The following IL7 variants were observed in gnomAD, a reference collection of about 807,000 sequenced individuals.
IL7 encodes interleukin-7.
In IL7, 3 loss-of-function variants were observed where a neutral mutation model predicts 21.6. The observed-to-expected ratio is 0.14, with a 90% confidence interval of 0.06 to 0.36. IL7 has a LOEUF of 0.36. Ranked by LOEUF, IL7 falls within the 10% of genes least tolerant of loss-of-function variation. The probability of loss-of-function intolerance (pLI) is 1.00; values close to 1 mark genes in which losing one functional copy is unlikely to be tolerated. For missense variants in IL7, 175 were observed against 200.2 expected (o/e 0.87, Z 0.76); for synonymous variants, 62 against 68.1 (o/e 0.91, Z 0.44).
At chr8:78,727,538 A>G (rs1811359134) in intron 3 of IL7, among the ~76,000 whole-genome samples, 1 of 152,056 alleles carries the variant, frequency 6.6e-6, no homozygotes, top group Admixed American at 6.6e-5. Context: ...AGAAAATTTG[A>G]AATTTGCTTG....
At chr8:78,689,514 G>GCATACAACTT in intron 3 of IL7, 2 of 746,242 alleles carry the variant, frequency 2.7e-6, no homozygotes, top group East Asian at 3.4e-5. Flanking sequence ...ATCTATAAAA[G>GCATACAACTT]TTGTATGCTT....
Position 78,739,985 on chromosome 8 carries a change from C to A in IL7, c.228+17G>T. 1 of 1,503,692 alleles carries A rather than the reference C, an allele frequency of 6.7e-7. No individual in the cohort carries two copies. Among genetic ancestry groups the A allele is most frequent in the South Asian group, 1.4e-5 (1 of 72,596 alleles). 93.1% of individuals were successfully genotyped at this position (1,503,692 alleles called of 1,614,324 possible). On this transcript the variant is annotated intron_variant, in intron 3 of 5. Coordinates refer to ENST00000263851, the MANE Select transcript of IL7 (RefSeq NM_000880.4). ...AAAATCAAGCTTGAATGACAAACTC[C>A]AAATAATTATCATTACCTTATTAGC... is the stretch of plus-strand genomic sequence containing the variant.
chr8:78,712,515 A>G (rs1810982928), intron 3 of IL7, among the ~76,000 whole-genome samples: 1 of 152,154 alleles, frequency 6.6e-6, no homozygotes, highest in African/African-American at 2.4e-5. Flanking sequence ...ATGGTGAACT[A>G]TTATAAAAAG....
chr8:78,779,603 G>C (rs1342708293), intron 2 of IL7, among the ~76,000 whole-genome samples: 1 of 152,130 alleles, frequency 6.6e-6, no homozygotes, highest in African/African-American at 2.4e-5. Flanking sequence ...GATCATGGTG[G>C]ATAAGCTTTT....
intron 1 of IL7, among the ~76,000 whole-genome samples, chr8:78,799,499 T>A (rs995046712): frequency 6.6e-6 from 1 of 152,172 alleles, no homozygotes; most frequent in Non-Finnish European, 1.5e-5. Context: ...TTGATAATTT[T>A]ATTTATACAA....
At chr8:78,782,566 A>G (rs1205559790) in intron 2 of IL7, among the ~76,000 whole-genome samples, 2 of 152,132 alleles carry the variant, frequency 1.3e-5, no homozygotes, top group African/African-American at 4.8e-5. Flanking sequence ...GCTGCGCAAC[A>G]GCAAAGATGG....
chr8:78,782,309 A>T (rs1813360713), intron 2 of IL7, among the ~76,000 whole-genome samples: 1 of 139,048 alleles, frequency 7.2e-6, no homozygotes, highest in African/African-American at 2.5e-5. Context: ...TTGAGTTGTC[A>T]GTGTTTTTTC....
chr8:78,765,799 T>C (rs1217521840), intron 2 of IL7, among the ~76,000 whole-genome samples: 2 of 152,152 alleles, frequency 1.3e-5, no homozygotes, highest in Admixed American at 1.3e-4. Context: ...AACAATCTCT[T>C]ACGACATAAT....
At chr8:78,720,598 C>T (rs1811219769) in intron 5 of IL7, among the ~76,000 whole-genome samples, 1 of 151,642 alleles carries the variant, frequency 6.6e-6, no homozygotes, top group South Asian at 2.1e-4. Context: ...TTTGACAACA[C>T]GAAACTACAG....
At chr8:78,781,412 G>C (rs1486185466) in intron 2 of IL7, among the ~76,000 whole-genome samples, 3 of 152,096 alleles carry the variant, frequency 2.0e-5, no homozygotes, top group Non-Finnish European at 4.4e-5. Flanking sequence ...GGCAGGCCTG[G>C]TGATGACAAA....
chr8:78,779,581 T>A (rs1379736378), intron 2 of IL7, among the ~76,000 whole-genome samples: 1 of 152,190 alleles, frequency 6.6e-6, no homozygotes, highest in African/African-American at 2.4e-5. Flanking sequence ...ATCCCAGAGA[T>A]GAAGCCAACT....
intron 1 of IL7, among the ~76,000 whole-genome samples, chr8:78,799,227 G>C (rs2130847432): frequency 6.6e-6 from 1 of 152,258 alleles, no homozygotes; most frequent in South Asian, 2.1e-4. Context: ...CTCTGATTAA[G>C]AGTACAAGCA....
chr8:78,748,258 A>G (rs998950120), intron 2 of IL7, among the ~76,000 whole-genome samples: 6 of 152,236 alleles, frequency 3.9e-5, no homozygotes, highest in Non-Finnish European at 8.8e-5. Context: ...ATTAACAGCC[A>G]TATGCCAGAT....
At chr8:78,788,755 C>T (rs1456713645) in intron 2 of IL7, among the ~76,000 whole-genome samples, 1 of 152,142 alleles carries the variant, frequency 6.6e-6, no homozygotes, top group Non-Finnish European at 1.5e-5. Flanking sequence ...ATTTATGGTG[C>T]TTTCAAGTTC....
chr8:78,727,878 C>T (rs908087801), downstream of IL7, among the ~76,000 whole-genome samples: 7 of 151,870 alleles, frequency 4.6e-5, no homozygotes, highest in African/African-American at 1.7e-4. Flanking sequence ...TAGAAAATCT[C>T]ACTCCATAAA....
chr8:78,733,946 T>A, intron 5 of IL7, 114 bp from the exon 6 acceptor site: 1 of 685,310 alleles, frequency 1.5e-6, no homozygotes, highest in Non-Finnish European at 2.1e-6. Flanking sequence ...AATGAAAAGG[T>A]AGAATCCTGT....
chr8:78,776,617 A>G (rs1022429940), intron 2 of IL7, among the ~76,000 whole-genome samples: 6 of 152,092 alleles, frequency 3.9e-5, no homozygotes, highest in Non-Finnish European at 5.9e-5. Context: ...AAATTTAGAG[A>G]GCATTGTTGC....
intron 2 of IL7, chr8:78,760,876 T>TA (rs1179083730): frequency 6.4e-7 from 1 of 1,563,800 alleles, no homozygotes; most frequent in Non-Finnish European, 8.7e-7. Context: ...GTGAATGCAG[T>TA]ACTGCAGTCA....
chr8:78,722,066 A>G (rs1019069613), intron 3 of IL7, among the ~76,000 whole-genome samples: 1 of 151,986 alleles, frequency 6.6e-6, no homozygotes, highest in Admixed American at 6.6e-5. Flanking sequence ...TCTCAATATT[A>G]TGCTTATTTC....
Sources: gnomAD v4.1 joint callset for allele counts (sites outside exome capture counted in the v4.1 genomes callset) on GRCh38, gnomAD v4.1.1 for gene constraint, MANE v1.5 for transcripts, NCBI Gene and HGNC (gene_info 2026-07-23, HGNC 2026-07-21) for gene names.